Variants in MGAT4C observed in about 807,000 individuals in gnomAD.
MGAT4C encodes the protein alpha-1,3-mannosyl-glycoprotein 4-beta-N-acetylglucosaminyltransferase C.
A neutral mutation model predicts 40.1 loss-of-function variants in MGAT4C; 19 were observed. The observed-to-expected ratio is 0.47, with a 90% CI of 0.33 to 0.70. MGAT4C has a LOEUF of 0.70. Ranked by LOEUF, MGAT4C falls within the 30% of genes least tolerant of loss-of-function variation. The probability of loss-of-function intolerance (pLI) is 0.02; values close to 1 mark genes in which losing one functional copy is unlikely to be tolerated. For synonymous variants in MGAT4C, 181 were observed against 187.1 expected (o/e 0.97, Z 0.27); for missense variants, 491 against 563.2 (o/e 0.87, Z 1.30).
chr12:86,580,354 C>T (rs1180985191), intron 2 of MGAT4C, among the ~76,000 whole-genome samples: 2 of 151,432 alleles, frequency 1.3e-5, no homozygotes, highest in African/African-American at 4.8e-5. Context: ...GCTAGCTTGA[C>T]AGGGATAAGA....
At chr12:86,663,040 T>C (rs1045284605) in intron 2 of MGAT4C, among the ~76,000 whole-genome samples, 2 of 151,994 alleles carry the variant, frequency 1.3e-5, no homozygotes, top group Admixed American at 1.3e-4. Context: ...GCTAGTTTTG[T>C]CAGAATTAAT....
chr12:86,036,130 G>A (rs1891218990), intron 2 of MGAT4C, among the ~76,000 whole-genome samples: 1 of 150,030 alleles, frequency 6.7e-6, no homozygotes, highest in East Asian at 1.9e-4. Flanking sequence ...ATGGTCGCTT[G>A]CTGGGGATAG....
At chr12:86,559,259 G>A (rs566077251) in intron 2 of MGAT4C, among the ~76,000 whole-genome samples, 2 of 151,930 alleles carry the variant, frequency 1.3e-5, no homozygotes, top group South Asian at 4.1e-4. Flanking sequence ...GAACAGATTA[G>A]GTATGCAAAA....
rs1186313451 is a variant in MGAT4C, at chr12:86,107,793, A to G, written c.-56-58070T>C. Among the ~76,000 whole-genome samples the G allele has an allele frequency of 3.9e-5, 6 of 152,288 alleles. No individual in the cohort carries two copies. The East Asian group carries it at 1.2e-3, about 29-fold the overall frequency. The stretch of plus-strand genomic sequence containing the variant: ...ATTGATGAAAATTGCATACTAGGAA[A>G]TTTCCAATAAATCTATTGAAAGTGC... On this transcript the variant is annotated intron_variant, in intron 1 of 4. Transcript: ENST00000611864.
At position 86,027,515 on chromosome 12, in the gene MGAT4C, C is replaced by T. The variant is rs140747761; in HGVS notation, c.-7+22159G>A. On this transcript the variant is annotated intron_variant, in intron 2 of 4. Transcript: ENST00000611864. ...AATAGAAAAAATTTATTTTAAAATA[C>T]ACATGGTTTTTCATGAAATTCATAT... Among the ~76,000 whole-genome samples, 52 of 151,794 alleles carry T rather than the reference C, an allele frequency of 3.4e-4. No homozygotes were observed. In the East Asian group the frequency reaches 9.5e-3, roughly 28 times the overall value.
At chr12:86,082,326 C>A (rs1363993937) in intron 1 of MGAT4C, among the ~76,000 whole-genome samples, 2 of 152,164 alleles carry the variant, frequency 1.3e-5, no homozygotes, top group African/African-American at 2.4e-5. Flanking sequence ...CCTCAAAAAT[C>A]TTACGGTTCT....
chr12:86,688,644 C>A (rs1052581685), intron 2 of MGAT4C, among the ~76,000 whole-genome samples: 4 of 152,108 alleles, frequency 2.6e-5, no homozygotes, highest in Admixed American at 2.0e-4. Context: ...GTTGAAAATT[C>A]TTTTCTTCAA....
chr12:86,360,792 C>A (rs1391918934), intron 3 of MGAT4C, among the ~76,000 whole-genome samples: 3 of 152,212 alleles, frequency 2.0e-5, no homozygotes, highest in East Asian at 3.9e-4. Flanking sequence ...ATGTGAAGGA[C>A]CTCTTCAAGG....
At chr12:86,243,684 T>A (rs1951888430) in intron 1 of MGAT4C, among the ~76,000 whole-genome samples, 1 of 152,054 alleles carries the variant, frequency 6.6e-6, no homozygotes, top group African/African-American at 2.4e-5. Context: ...GGGACTTCCA[T>A]CCTACAGCTG....
intron 2 of MGAT4C, among the ~76,000 whole-genome samples, chr12:86,516,934 CACAAG>C (rs1269764720): frequency 4.6e-5 from 7 of 152,194 alleles, no homozygotes; most frequent in Non-Finnish European, 8.8e-5. Context: ...TGTCAATAAG[CACAAG>C]ACAAAAGAGC....
At chr12:86,508,268 C>A (rs1039560194) in intron 2 of MGAT4C, among the ~76,000 whole-genome samples, 2 of 151,686 alleles carry the variant, frequency 1.3e-5, no homozygotes, top group African/African-American at 4.8e-5. Context: ...TCCAAGTGTT[C>A]TCATTGTTCA....
intron 1 of MGAT4C, among the ~76,000 whole-genome samples, chr12:86,105,534 C>T (rs1592951340): frequency 6.6e-6 from 1 of 152,222 alleles, no homozygotes. Context: ...CAGCATCTAT[C>T]TCACGTTTCC....
intron 1 of MGAT4C, among the ~76,000 whole-genome samples, chr12:86,246,093 T>C (rs978470344): frequency 6.6e-6 from 1 of 152,092 alleles, no homozygotes; most frequent in Non-Finnish European, 1.5e-5. Context: ...CTTTCTCTCT[T>C]TTGGTTTCAG....
intron 1 of MGAT4C, among the ~76,000 whole-genome samples, chr12:86,226,366 T>C (rs1951074710): frequency 6.6e-6 from 1 of 151,998 alleles, no homozygotes; most frequent in Non-Finnish European, 1.5e-5. Context: ...ATACAGTGTA[T>C]GAAATTGAGT....
chr12:86,638,965 T>C (rs1410477042), intron 2 of MGAT4C, among the ~76,000 whole-genome samples: 1 of 151,834 alleles, frequency 6.6e-6, no homozygotes, highest in Admixed American at 6.6e-5. Context: ...TATAGTGCAA[T>C]ATGATGTAAA....
At chr12:86,821,736 G>A (rs923446770) in intron 1 of MGAT4C, among the ~76,000 whole-genome samples, 9 of 150,828 alleles carry the variant, frequency 6.0e-5, no homozygotes, top group Non-Finnish European at 8.9e-5. Flanking sequence ...TATCAGCCAC[G>A]GTTTGGATAC....
chr12:86,278,972 A>ACATTGATTGATTTATGTATGCTGAAC (rs71076178), intron 4 of MGAT4C, among the ~76,000 whole-genome samples: 99,191 of 151,878 alleles, frequency 0.65, 33,184 homozygotes, highest in South Asian at 0.78. Flanking sequence ...ATGATGTCTC[A>ACATTGATTGATTTATGTATGCTGAAC]CATCCTTATA....
At chr12:86,501,532 C>G (rs537911353) in intron 2 of MGAT4C, among the ~76,000 whole-genome samples, 2 of 145,878 alleles carry the variant, frequency 1.4e-5, no homozygotes, top group African/African-American at 5.0e-5. Context: ...TTCTTCCCCT[C>G]CCTATGTCAT....
At chr12:86,775,376 C>T (rs181015460) in intron 1 of MGAT4C, among the ~76,000 whole-genome samples, 5 of 150,930 alleles carry the variant, frequency 3.3e-5, no homozygotes, top group African/African-American at 9.7e-5. Context: ...ATTATACAAG[C>T]AATGCATATA....
Sources: gnomAD v4.1 joint callset for allele counts (sites outside exome capture counted in the v4.1 genomes callset) on GRCh38, gnomAD v4.1.1 for gene constraint, MANE v1.5 for transcripts, NCBI Gene and HGNC (gene_info 2026-07-23, HGNC 2026-07-21) for gene names.